Variants in ZNF624 observed in about 807,000 individuals in gnomAD.
ZNF624 encodes zinc finger protein 624.
A neutral mutation model predicts 74.7 loss-of-function variants in ZNF624; 43 were observed. That is an observed-to-expected ratio of 0.58 (90% CI 0.45 to 0.74). The LOEUF (loss-of-function observed/expected upper bound fraction) is 0.74, where lower values mean the gene tolerates loss of function less well. Among genes scored for constraint, ZNF624 ranks in the 30% least tolerant of loss-of-function variants. ZNF624 has a pLI of 0.00. For missense variants in ZNF624, 820 were observed against 1,030.0 expected (o/e 0.80, Z 2.79); for synonymous variants, 331 against 341.3 (o/e 0.97, Z 0.33).
Position 16,623,571 on chromosome 17 carries a change from T to C in ZNF624, c.1315A>G (p.Thr439Ala), listed in dbSNP as rs758865887. 6.2e-7 allele frequency: 1 copy of C among 1,611,156 alleles called. No homozygotes were observed. Among genetic ancestry groups the C allele is most frequent in the Non-Finnish European group, 8.5e-7 (1 of 1,179,126 alleles). The change falls in exon 6 of 6, where the codon ACT (threonine) becomes GCT (alanine). Residue 439 changes from threonine (T) to alanine (A), a missense_variant. Physicochemically the swap from Thr to Ala is moderately conservative, Grantham distance 58. Transcript: ENST00000311331. The surrounding 1 kb of genome is among the most constrained non-coding windows in gnomAD (Gnocchi z 5.3). ...SYLSVHQKTH[T>A]EEKPYQCNEC... ...TTGCACTGATATGGTTTCTCTTCAG[T>C]GTGGGTCTTCTGATGTACACTAAGA...
chr17:16,645,945 CAAAAAA>C (rs35486112), intron 3 of ZNF624, among the ~76,000 whole-genome samples: 1 of 56,064 alleles, frequency 1.8e-5, no homozygotes, highest in African/African-American at 7.1e-5. Flanking sequence ...GACTCCATCT[CAAAAAA>C]AAAAAAAAAA....
chr17:16,651,355 G>GGGAGGT (rs1909718150), intron 1 of ZNF624, among the ~76,000 whole-genome samples: 1 of 151,654 alleles, frequency 6.6e-6, no homozygotes, highest in African/African-American at 2.4e-5. Context: ...GCTTGAACTT[G>GGGAGGT]GGAGGTGGAG....
chr17:16,622,748 G>T lies in ZNF624; in HGVS notation c.2138C>A (p.Thr713Lys). ...KVFTSNSGFN[T>K]HQRTHTGEKP... ...CTCTCCAGTATGTGTTCTTTGATGTGTATTAAAGCCTGAGTTACTTGTGAA... is the reference window on the plus strand; with the variant it reads ...CTCTCCAGTATGTGTTCTTTGATGTTTATTAAAGCCTGAGTTACTTGTGAA... The change falls in exon 6 of 6, where the codon ACA becomes AAA. Residue 713 changes from threonine to lysine, a missense_variant. Transcript: ENST00000311331. The T allele has an allele frequency of 6.2e-7, 1 of 1,613,406 alleles. No individual in the cohort carries two copies.
intron 3 of ZNF624, among the ~76,000 whole-genome samples, chr17:16,635,880 A>G (rs928804079): frequency 4.1e-5 from 4 of 97,946 alleles, no homozygotes; most frequent in Middle Eastern, 9.1e-3. Context: ...ATTTTAAGAG[A>G]AAAAAAAAAA....
chr17:16,617,050 G>C (rs1908805624), downstream of ZNF624: 3 of 1,610,588 alleles, frequency 1.9e-6, no homozygotes, highest in Admixed American at 5.0e-5. Context: ...GGGGGATCCG[G>C]ACCGAGACCT....
At chr17:16,615,243 G>A in the ZNF624 span, among the ~76,000 whole-genome samples, 2 of 152,188 alleles carry the variant, frequency 1.3e-5, no homozygotes, top group East Asian at 1.9e-4. Flanking sequence ...GAATACAGGC[G>A]CCCACCACCA....
intron 5 of ZNF624, among the ~76,000 whole-genome samples, chr17:16,631,900 G>A (rs190167113): frequency 1.0e-3 from 158 of 151,992 alleles, no homozygotes; most frequent in African/African-American, 3.7e-3. Context: ...TAGATTAAAC[G>A]GAACAATCCC....
chr17:16,622,318 T>C lies in ZNF624; in HGVS notation c.2568A>G (p.Arg856=). ...RSSSSLTVHQ[R]IHQRETQLI ...TTAACTGAGTTTCTCTTTGATGTAT[T>C]CTTTGATGTACAGTAAGGCTCGAAC... The change falls in exon 6 of 6, where the codon AGA becomes AGG. Residue 856 remains arginine (R), a synonymous_variant. Transcript: ENST00000311331. 3 of 1,586,010 alleles carry C rather than the reference T, an allele frequency of 1.9e-6. No individual in the cohort carries two copies. Among genetic ancestry groups the C allele is most frequent in the Admixed American group, 1.9e-5 (1 of 53,554 alleles).
At chr17:16,648,685 G>C (rs745865455) in intron 2 of ZNF624, among the ~76,000 whole-genome samples, 2 of 152,072 alleles carry the variant, frequency 1.3e-5, no homozygotes, top group Non-Finnish European at 2.9e-5. Context: ...TCTTTCTTCT[G>C]AATCTATTTT....
intron 3 of ZNF624, among the ~76,000 whole-genome samples, chr17:16,644,853 A>G (rs1374199116): frequency 6.6e-6 from 1 of 152,222 alleles, no homozygotes; most frequent in Non-Finnish European, 1.5e-5. Flanking sequence ...CTCATCTTTT[A>G]AAGTCATAGA....
chr17:16,622,012 A>G lies in ZNF624; in HGVS notation c.*276T>C. The G allele has an allele frequency of 4.4e-6, 1 of 226,344 alleles. No individual in the cohort carries two copies. 14.0% of individuals were successfully genotyped at this position (226,344 alleles called of 1,614,324 possible). A position where few individuals can be genotyped will look rare whatever the true frequency, so the allele number is the denominator to read the frequency against. On this transcript the variant is annotated 3_prime_UTR_variant, in exon 6 of 6. Coordinates refer to ENST00000311331, the MANE Select transcript of ZNF624 (RefSeq NM_020787.4). ...AGATAAATGAATAGAAAAATAGGCA[A>G]ATACATATATAGGCAATTAACTAAA... is the stretch of plus-strand genomic sequence containing the variant.
rs545663362 is a variant in ZNF624, at chr17:16,620,936, CCATAAAGGCAG to C, written c.*1341_*1351del. 63 of 152,194 alleles carry C rather than the reference CCATAAAGGCAG, an allele frequency of 4.1e-4. No homozygotes were observed. The East Asian group carries it at 0.012, about 28-fold the overall frequency. 9.4% of individuals were successfully genotyped at this position (152,194 alleles called of 1,614,324 possible). ...ATAATATTACATTTACAGTTTTATA[CCATAAAGGCAG>C]CATTTACATTTTTCTGTTTTTACAG... On this transcript the variant is annotated 3_prime_UTR_variant, in exon 6 of 6. Transcript: ENST00000311331.
In ZNF624 at chr17:16,623,301, T is replaced by C. The variant is rs2142567705; in HGVS notation, c.1585A>G (p.Lys529Glu). 6.2e-7 allele frequency: 1 copy of C among 1,613,856 alleles called. No homozygotes were observed. The highest frequency in any genetic ancestry group is 2.2e-5 in the East Asian group (1 of 44,866). Reference protein sequence around the residue: ...QRIHTGEKPYKCNECGKAFIN... With the variant: ...QRIHTGEKPYECNECGKAFIN... ...AATGCTTTCCCACATTCATTACATT[T>C]ATAGGGTTTTTCTCCTGTGTGAATT... is the stretch of plus-strand genomic sequence containing the variant. Residue 529 changes from lysine to glutamate, a missense_variant, in exon 6 of 6, where the codon AAA (lysine) becomes GAA (glutamate). By Grantham distance (56) the Lys-to-Glu change is moderately conservative (BLOSUM62 1). Coordinates refer to ENST00000311331, the MANE Select transcript of ZNF624 (RefSeq NM_020787.4). This position sits in a 1 kb window ranked among gnomAD's most constrained non-coding sequence, Gnocchi z 5.3.
At chr17:16,620,060 G>A (rs1009245361), downstream of ZNF624, among the ~76,000 whole-genome samples, 2 of 152,206 alleles carry the variant, frequency 1.3e-5, no homozygotes, top group Non-Finnish European at 2.9e-5. Flanking sequence ...GTTCATTTAT[G>A]ATGGAAGATA....
intron 5 of ZNF624, chr17:16,631,447 C>T (rs1444401164): frequency 6.6e-6 from 1 of 152,152 alleles, no homozygotes; most frequent in East Asian, 1.9e-4. Flanking sequence ...CAAGTAATGT[C>T]AGGCATGGTG....
At position 16,622,962 on chromosome 17, in the gene ZNF624, A is replaced by T; in HGVS notation, c.1924T>A (p.Cys642Ser). 1 of 1,614,040 alleles carries T rather than the reference A, an allele frequency of 6.2e-7. No homozygotes were observed. Among genetic ancestry groups the T allele is most frequent in the Non-Finnish European group, 8.5e-7 (1 of 1,179,964 alleles). Reference protein sequence around the residue: ...KIHTGVKPYKCYDCGKSFRTK... With the variant: ...KIHTGVKPYKSYDCGKSFRTK... ...CTAAAGGACTTTCCACAGTCATAAC[A>T]TTTATAGGGTTTCACTCCAGTATGA... The change falls in exon 6 of 6, where the codon TGT becomes AGT. Residue 642 changes from cysteine to serine, a missense_variant. By Grantham distance (112) the Cys-to-Ser change is moderately radical. Transcript: ENST00000311331.
In ZNF624 at chr17:16,623,057, T is replaced by C. The variant is rs1230165823; in HGVS notation, c.1829A>G (p.Lys610Arg). 1 of 1,614,088 alleles carries C rather than the reference T, an allele frequency of 6.2e-7. No individual in the cohort carries two copies. Among genetic ancestry groups the C allele is most frequent in the Admixed American group, 1.7e-5 (1 of 60,022 alleles). The change falls in exon 6 of 6, where the codon AAA becomes AGA. Residue 610 changes from lysine (K) to arginine (R), a missense_variant. Transcript: ENST00000311331. This position sits in a 1 kb window ranked among gnomAD's most constrained non-coding sequence, Gnocchi z 5.3. ...TVHQRIHTGE[K>R]PYKCTDCERA... Reference sequence around the variant, plus strand: ...CTCGCAGTCAGTACATTTATATGGTTTCTCTCCAGTGTGAATTCTCTGATG... The same window carrying C: ...CTCGCAGTCAGTACATTTATATGGTCTCTCTCCAGTGTGAATTCTCTGATG...
intron 1 of ZNF624, among the ~76,000 whole-genome samples, chr17:16,651,193 G>A (rs1483895809): frequency 6.6e-6 from 1 of 152,030 alleles, no homozygotes; most frequent in Non-Finnish European, 1.5e-5. Flanking sequence ...TTGGGAGGCC[G>A]AGGCGGGCAG....
chr17:16,626,042 T>A (rs1909063879), intron 5 of ZNF624, among the ~76,000 whole-genome samples: 1 of 152,132 alleles, frequency 6.6e-6, no homozygotes, highest in South Asian at 2.1e-4. Flanking sequence ...CTCCACCTCC[T>A]GGGTTCAAGT....
Sources: allele counts gnomAD v4.1 joint callset (sites outside exome capture counted in the v4.1 genomes callset), GRCh38; gene constraint gnomAD v4.1.1; non-coding constraint Gnocchi (gnomAD v3.1); transcripts MANE v1.5; gene names NCBI Gene and HGNC (gene_info 2026-07-23, HGNC 2026-07-21).